Variants in PIK3AP1 observed in about 807,000 individuals in gnomAD.
PIK3AP1 encodes the protein phosphoinositide-3-kinase adaptor protein 1.
A neutral mutation model predicts 88.1 loss-of-function variants in PIK3AP1; 21 were observed. That is an observed-to-expected ratio of 0.24 (90% CI 0.17 to 0.34). The LOEUF is 0.34. Ranked by LOEUF, PIK3AP1 falls within the 10% of genes least tolerant of loss-of-function variation. The pLI, the probability that PIK3AP1 is intolerant of heterozygous loss-of-function variation, is 1.00. For missense variants in PIK3AP1, 828 were observed against 1,035.7 expected (o/e 0.80, Z 2.75); for synonymous variants, 398 against 400.0 (o/e 1.00, Z 0.06).
chr10:96,647,725 G>A (rs1324073153), intron 7 of PIK3AP1, among the ~76,000 whole-genome samples: 3 of 152,156 alleles, frequency 2.0e-5, no homozygotes, highest in Admixed American at 1.3e-4. Flanking sequence ...GAGATATCAG[G>A]CTCTGTCCTG....
intron 8 of PIK3AP1, among the ~76,000 whole-genome samples, chr10:96,634,439 G>T (rs1028925735): frequency 6.6e-6 from 1 of 152,232 alleles, no homozygotes; most frequent in African/African-American, 2.4e-5. Flanking sequence ...AACCAGTGCA[G>T]GTCGGCATCA....
rs1014481452 is a variant in PIK3AP1, at chr10:96,602,539, T to C, written c.2242-141A>G. ...TGCAAATTGATAATCAACCCAGCCA[T>C]ACCTGGCAGCTTTCCATTTCTTCCT... On this transcript the variant is annotated intron_variant, in intron 15 of 16. Transcript: ENST00000339364. The C allele has an allele frequency of 3.7e-5, 24 of 647,230 alleles. No individual in the cohort carries two copies. In the African/African-American group the frequency reaches 3.9e-4, roughly 10 times the overall value. The allele number at this position is 647,230 out of a possible 1,614,324, so 40.1% of individuals were successfully genotyped here. A position where few individuals can be genotyped will look rare whatever the true frequency, so the allele number is the denominator to read the frequency against.
chr10:96,714,109 G>A (rs568475501), intron 1 of PIK3AP1, among the ~76,000 whole-genome samples: 2 of 152,184 alleles, frequency 1.3e-5, no homozygotes, highest in South Asian at 4.1e-4. Flanking sequence ...GGGAGGCGGA[G>A]GTTGCAGTGA....
chr10:96,637,338 A>AC (rs1430834823), intron 8 of PIK3AP1, among the ~76,000 whole-genome samples: 4 of 151,424 alleles, frequency 2.6e-5, no homozygotes, highest in Admixed American at 2.6e-4. Context: ...ACACACACAC[A>AC]CACACACACA....
intron 8 of PIK3AP1, among the ~76,000 whole-genome samples, chr10:96,632,234 G>C (rs1255144390): frequency 6.6e-6 from 1 of 152,202 alleles, no homozygotes; most frequent in Non-Finnish European, 1.5e-5. Flanking sequence ...CACAACTAGA[G>C]AAATTTGAAC....
intron 1 of PIK3AP1, among the ~76,000 whole-genome samples, chr10:96,712,268 T>A (rs1844449300): frequency 6.6e-6 from 1 of 152,212 alleles, no homozygotes; most frequent in Non-Finnish European, 1.5e-5. Context: ...AGTATGGAAC[T>A]GGCGAAAACC....
chr10:96,611,646 T>C (rs1371153045), intron 13 of PIK3AP1, among the ~76,000 whole-genome samples: 3 of 152,076 alleles, frequency 2.0e-5, no homozygotes, highest in Non-Finnish European at 4.4e-5. Context: ...ATTTTTGCAT[T>C]TTTAGTAGAG....
At chr10:96,599,852 A>G (rs527887565) in intron 16 of PIK3AP1, among the ~76,000 whole-genome samples, 1 of 151,932 alleles carries the variant, frequency 6.6e-6, no homozygotes, top group Non-Finnish European at 1.5e-5. Flanking sequence ...TTCTCTCCCC[A>G]TCTCTATCAC....
intron 3 of PIK3AP1, among the ~76,000 whole-genome samples, chr10:96,655,450 C>T (rs551513088): frequency 4.6e-5 from 7 of 152,234 alleles, no homozygotes; most frequent in African/African-American, 1.2e-4. Flanking sequence ...GAGGTTGCAG[C>T]GAGCTGAGAT....
chr10:96,637,552 G>A (rs146028007), intron 8 of PIK3AP1, among the ~76,000 whole-genome samples: 1 of 151,968 alleles, frequency 6.6e-6, no homozygotes, highest in Non-Finnish European at 1.5e-5. Flanking sequence ...TTTTCGCCAT[G>A]TTGCCCAGGC....
chr10:96,601,758 A>G (rs1281948793), intron 16 of PIK3AP1, among the ~76,000 whole-genome samples: 1 of 152,244 alleles, frequency 6.6e-6, no homozygotes, highest in Non-Finnish European at 1.5e-5. Context: ...GACATTTTTC[A>G]ATGTATTTCA....
chr10:96,631,777 G>A (rs1843247894), intron 8 of PIK3AP1, among the ~76,000 whole-genome samples: 1 of 152,084 alleles, frequency 6.6e-6, no homozygotes, highest in Non-Finnish European at 1.5e-5. Flanking sequence ...CAGCTACTCA[G>A]GAGGCTGAGG....
chr10:96,673,619 T>TC (rs1843877556), intron 2 of PIK3AP1, among the ~76,000 whole-genome samples: 1 of 152,192 alleles, frequency 6.6e-6, no homozygotes, highest in South Asian at 2.1e-4. Context: ...CATTAATAAC[T>TC]CACCTTTTCA....
At chr10:96,685,078 G>A (rs929578369) in intron 2 of PIK3AP1, among the ~76,000 whole-genome samples, 2 of 152,092 alleles carry the variant, frequency 1.3e-5, no homozygotes, top group African/African-American at 4.8e-5. Flanking sequence ...GAATGTTTTG[G>A]TTATCTTCTG....
intron 8 of PIK3AP1, among the ~76,000 whole-genome samples, chr10:96,637,134 T>G (rs578231646): frequency 7.5e-4 from 114 of 152,200 alleles, no homozygotes; most frequent in African/African-American, 2.6e-3. Flanking sequence ...AAAGAGAGCC[T>G]TAGAGCAAGG....
intron 5 of PIK3AP1, 52 bp downstream of exon 5, chr10:96,651,457 T>G: frequency 6.2e-7 from 1 of 1,614,002 alleles, no homozygotes; most frequent in African/African-American, 1.3e-5. Context: ...TGATAAGCCA[T>G]GAGCAGAAAT....
chr10:96,601,723 A>C (rs187963724), intron 16 of PIK3AP1, among the ~76,000 whole-genome samples: 106 of 152,268 alleles, frequency 7.0e-4, no homozygotes, highest in African/African-American at 2.4e-3. Context: ...TTCTAGCCAA[A>C]CTGATAAAAA....
At chr10:96,677,185 T>C (rs1459356047) in intron 2 of PIK3AP1, among the ~76,000 whole-genome samples, 1 of 152,176 alleles carries the variant, frequency 6.6e-6, no homozygotes, top group Non-Finnish European at 1.5e-5. Flanking sequence ...AAACACCGAT[T>C]CAGCCATCTT....
At chr10:96,646,706 A>G (rs1843465437) in intron 7 of PIK3AP1, among the ~76,000 whole-genome samples, 1 of 152,070 alleles carries the variant, frequency 6.6e-6, no homozygotes, top group Non-Finnish European at 1.5e-5. Context: ...TTTATGTCCT[A>G]TGTGCCCAAA....
Sources: allele counts gnomAD v4.1 joint callset (sites outside exome capture counted in the v4.1 genomes callset), GRCh38; gene constraint gnomAD v4.1.1; transcripts MANE v1.5; gene names NCBI Gene and HGNC (gene_info 2026-07-23, HGNC 2026-07-21).